The following POLG2 variants were observed in gnomAD, a reference collection of about 807,000 sequenced individuals.
POLG2 encodes DNA polymerase gamma 2, accessory subunit, also known as DNA polymerase subunit gamma-2.
Under a neutral mutation model 56.5 loss-of-function variants are expected in POLG2, and 50 were observed. That is an observed-to-expected ratio of 0.88 (90% CI 0.71 to 1.12). The LOEUF (loss-of-function observed/expected upper bound fraction) is 1.12, where lower values mean the gene tolerates loss of function less well. Among genes scored for constraint, POLG2 ranks in the 50% most tolerant of loss-of-function variants. The pLI is 0.00. For synonymous variants in POLG2, 226 were observed against 222.6 expected, an observed-to-expected ratio of 1.02 and a Z score of -0.14; for missense variants, 584 against 583.3, an observed-to-expected ratio of 1.00 and a Z score of -0.01.
chr17:64,489,957 G>A (rs1424007666), intron 4 of POLG2, among the ~76,000 whole-genome samples: 2 of 150,492 alleles, frequency 1.3e-5, no homozygotes, highest in African/African-American at 4.9e-5. Flanking sequence ...ACAGAGTCTC[G>A]TTCTGTCGCC....
Position 64,496,984 on chromosome 17 carries a change from A to G in POLG2, c.-16T>C. The G allele has an allele frequency of 6.3e-7, 1 of 1,598,132 alleles. No homozygotes were observed. Among genetic ancestry groups the G allele is most frequent in the South Asian group, 1.1e-5 (1 of 91,016 alleles). ...GAGAGCGCATCTCTCTCCGAAGTTA[A>G]AGAGCACACTCTCCCATCACTCAAC... On this transcript the variant is annotated 5_prime_UTR_variant, in exon 1 of 8. Coordinates refer to ENST00000539111, the MANE Select transcript of POLG2 (RefSeq NM_007215.4).
intron 4 of POLG2, among the ~76,000 whole-genome samples, chr17:64,488,519 A>G (rs529709878): frequency 6.6e-6 from 1 of 152,354 alleles, no homozygotes; most frequent in African/African-American, 2.4e-5. Context: ...ACTGGGCAAC[A>G]TAGCGAGACC....
intron 3 of POLG2, chr17:64,491,564 G>A: frequency 4.5e-6 from 7 of 1,551,228 alleles, no homozygotes; most frequent in Non-Finnish European, 6.2e-6. Flanking sequence ...AACTTCTGGA[G>A]GTCAAACTAG....
chr17:64,493,646 G>A (rs1195281362), intron 1 of POLG2, among the ~76,000 whole-genome samples: 3 of 151,890 alleles, frequency 2.0e-5, no homozygotes, highest in South Asian at 4.2e-4. Flanking sequence ...CACCACGCCC[G>A]GCTAATTTTT....
At chr17:64,489,345 G>A (rs1313663725) in intron 4 of POLG2, among the ~76,000 whole-genome samples, 1 of 140,444 alleles carries the variant, frequency 7.1e-6, no homozygotes, top group Non-Finnish European at 1.5e-5. Context: ...AAGGAATGAT[G>A]GAATTTGTTT....
chr17:64,493,524 G>A (rs951441591), intron 1 of POLG2, among the ~76,000 whole-genome samples: 10 of 151,684 alleles, frequency 6.6e-5, no homozygotes, highest in South Asian at 2.1e-4. Context: ...TCGCTCTGTC[G>A]CCCAGGCTGG....
rs886037843 is a variant in POLG2, at chr17:64,496,425, G to A, written c.544C>T (p.Arg182Trp). ...AGCATACCGTGAAGAAGGTTCTCCCGTAGTTTCCCAGAAGTTTTTAATACG... is the reference window on the plus strand; with the variant it reads ...AGCATACCGTGAAGAAGGTTCTCCCATAGTTTCCCAGAAGTTTTTAATACG... ...ENVLKTSGKLRENLLHGALEH... is the reference protein window; with the variant it reads ...ENVLKTSGKLWENLLHGALEH... The change falls in exon 1 of 8, where the codon CGG becomes TGG. Residue 182 changes from arginine (R) to tryptophan (W), a missense_variant. Arg to Trp is a moderately radical substitution (Grantham distance 101). Coordinates refer to ENST00000539111, the MANE Select transcript of POLG2 (RefSeq NM_007215.4). 6 of 1,581,626 alleles carry A rather than the reference G, an allele frequency of 3.8e-6. No individual in the cohort carries two copies. Among genetic ancestry groups the A allele is most frequent in the Non-Finnish European group, 5.2e-6 (6 of 1,155,880 alleles).
At chr17:64,480,258 A>C (rs9908620) in intron 7 of POLG2, 31 bp downstream of exon 7, 135,894 of 982,918 alleles carry the variant, frequency 0.14, 21,442 homozygotes, top group African/African-American at 0.7. Flanking sequence ...TCTTGAATAA[A>C]TACACTCTTT....
chr17:64,493,984 A>C (rs1260497736), intron 1 of POLG2, among the ~76,000 whole-genome samples: 2 of 152,218 alleles, frequency 1.3e-5, no homozygotes, highest in Non-Finnish European at 2.9e-5. Context: ...TAAAAAGTTA[A>C]CCATAATACC....
In POLG2 at chr17:64,477,881, T is replaced by C. The variant is rs537103723; in HGVS notation, c.1400A>G (p.His467Arg). Residue 467 changes from histidine (H) to arginine (R), a missense_variant, in exon 8 of 8, where the codon CAT becomes CGT. Transcript: ENST00000539111. The stretch of plus-strand genomic sequence containing the variant: ...CAAAAAGTCTTTTAATTTGGATATA[T>C]GCATCATTTCCTTCATTGTGGTGTC... ...SRDTTMKEMM[H>R]ISKLKDFLIK... is the part of the protein sequence containing the mutation. The C allele has an allele frequency of 6.2e-7, 1 of 1,613,364 alleles. No homozygotes were observed. Among genetic ancestry groups the C allele is most frequent in the African/African-American group, 1.3e-5 (1 of 75,044 alleles).
At chr17:64,481,071 C>A (rs1425923103) in intron 6 of POLG2, among the ~76,000 whole-genome samples, 2 of 152,188 alleles carry the variant, frequency 1.3e-5, no homozygotes, top group African/African-American at 4.8e-5. Flanking sequence ...GGTTCCTCAC[C>A]CTTGCACTGC....
In POLG2 at chr17:64,483,787, C is replaced by T. The variant is rs113039040; in HGVS notation, c.1111-788G>A. On this transcript the variant is annotated intron_variant, in intron 5 of 7. Transcript: ENST00000539111. ...CTAGAATGCTCCACTCACTGCCTCACTGCAACCCCCACCTCTGGGCTCAAG... is the reference window on the plus strand; with the variant it reads ...CTAGAATGCTCCACTCACTGCCTCATTGCAACCCCCACCTCTGGGCTCAAG... Among the ~76,000 whole-genome samples, 735 of 151,754 alleles carry T rather than the reference C, an allele frequency of 4.8e-3. 4 individuals are homozygous for T. The highest frequency in any genetic ancestry group is 0.017 in the African/African-American group (699 of 41,388).
Position 64,485,728 on chromosome 17 carries a change from CTTT to C in POLG2, c.1107_1109del (p.Lys370del). ...TCTATCTCTGAAATATCAACAGCAC[CTTT>C]CTATGAAGATTTTTCTTTCTTGTAA... is the stretch of plus-strand genomic sequence containing the variant. On this transcript the variant is annotated inframe_deletion and splice_region_variant, in exon 5 of 8. Coordinates refer to ENST00000539111, the MANE Select transcript of POLG2 (RefSeq NM_007215.4). The C allele has an allele frequency of 6.2e-7, 1 of 1,611,842 alleles. No homozygotes were observed. The highest frequency in any genetic ancestry group is 8.5e-7 in the Non-Finnish European group (1 of 1,177,940).
rs139689403 is a variant in POLG2 at position 64,489,541 on chromosome 17, G to A, written c.969+1255C>T. Among the ~76,000 whole-genome samples the A allele has an allele frequency of 3.0e-4, 46 of 151,492 alleles. 1 individual carries two copies. The highest frequency in any genetic ancestry group is 1.8e-3 in the Admixed American group (27 of 15,202). On this transcript the variant is annotated intron_variant, in intron 4 of 7. Transcript: ENST00000539111. ...TTTGGGAGGCTGAGGCAGGGGGATTGTTTCATCCCAGGAGTTCGAGACCAG... is the reference window on the plus strand; with the variant it reads ...TTTGGGAGGCTGAGGCAGGGGGATTATTTCATCCCAGGAGTTCGAGACCAG...
intron 7 of POLG2, among the ~76,000 whole-genome samples, chr17:64,478,890 G>C (rs2037810960): frequency 6.6e-6 from 1 of 151,790 alleles, no homozygotes; most frequent in Non-Finnish European, 1.5e-5. Flanking sequence ...GCGAGACTCT[G>C]TCTTAAAAAA....
rs1555669687 is a variant in POLG2, at chr17:64,496,979, A to G, written c.-11T>C. 4 of 1,601,220 alleles carry G rather than the reference A, an allele frequency of 2.5e-6. No homozygotes were observed. The highest frequency in any genetic ancestry group is 3.4e-6 in the Non-Finnish European group (4 of 1,178,452). On this transcript the variant is annotated 5_prime_UTR_variant, in exon 1 of 8. Coordinates refer to ENST00000539111, the MANE Select transcript of POLG2 (RefSeq NM_007215.4). ...TACACGAGAGCGCATCTCTCTCCGA[A>G]GTTAAAGAGCACACTCTCCCATCAC...
Position 64,490,843 on chromosome 17 carries a change from C to T in POLG2, c.922G>A (p.Asp308Asn), listed in dbSNP as rs2038046034. ...GGATACATGTGTAAAAGTTCGTGAT[C>T]TCCTAGGTTCCACAGGGTTTCTATT... ...ELIETLWNLG[D>N]HELLHMYPGN... Residue 308 changes from aspartate to asparagine, a missense_variant, in exon 4 of 8, where the codon GAT becomes AAT. Asp to Asn is a conservative substitution (Grantham distance 23). Transcript: ENST00000539111. 6.2e-7 allele frequency: 1 copy of T among 1,613,712 alleles called. No homozygotes were observed. The highest frequency in any genetic ancestry group is 2.2e-5 in the East Asian group (1 of 44,876).
chr17:64,494,928 C>T (rs1359533348), intron 1 of POLG2, among the ~76,000 whole-genome samples: 1 of 152,176 alleles, frequency 6.6e-6, no homozygotes, highest in African/African-American at 2.4e-5. Flanking sequence ...AATCCCAGCA[C>T]TTTGGGAGGC....
intron 1 of POLG2, among the ~76,000 whole-genome samples, chr17:64,493,965 A>G (rs2038108220): frequency 6.6e-6 from 1 of 152,212 alleles, no homozygotes; most frequent in Non-Finnish European, 1.5e-5. Flanking sequence ...ATATACCATT[A>G]TAACACCATA....
Sources: allele counts gnomAD v4.1 joint callset (sites outside exome capture counted in the v4.1 genomes callset), GRCh38; gene constraint gnomAD v4.1.1; transcripts MANE v1.5; gene names NCBI Gene and HGNC (gene_info 2026-07-23, HGNC 2026-07-21).